The following PHACTR1 variants were observed in gnomAD, a reference collection of about 807,000 sequenced individuals.
PHACTR1 encodes phosphatase and actin regulator 1.
A neutral mutation model predicts 69.2 loss-of-function variants in PHACTR1; 16 were observed. That is an observed-to-expected ratio of 0.23 (90% CI 0.16 to 0.35). PHACTR1 has a LOEUF of 0.35. PHACTR1 is among the 10% of genes least tolerant of loss of function. The pLI is 1.00. For missense variants in PHACTR1, 510 were observed against 734.7 expected, an observed-to-expected ratio of 0.69 and a Z score of 3.54; for synonymous variants, 312 against 284.5, an observed-to-expected ratio of 1.10 and a Z score of -0.97.
At chr6:13,194,562 C>T (rs1227585495) in intron 7 of PHACTR1, among the ~76,000 whole-genome samples, 2 of 151,424 alleles carry the variant, frequency 1.3e-5, no homozygotes, top group Non-Finnish European at 2.9e-5. Flanking sequence ...GAGTGACTCT[C>T]CTCTCCAGTC....
intron 4 of PHACTR1, among the ~76,000 whole-genome samples, chr6:12,904,059 G>A (rs1225517409): frequency 5.3e-5 from 8 of 152,136 alleles, no homozygotes; most frequent in Admixed American, 3.9e-4. Context: ...TTAAGATTTA[G>A]GGGATTACTG....
intron 4 of PHACTR1, among the ~76,000 whole-genome samples, chr6:12,858,672 T>C (rs35621699): frequency 0.071 from 10,745 of 152,068 alleles, 423 homozygotes; most frequent in Middle Eastern, 0.11. Context: ...GGTGTGTGCC[T>C]ATAGTCCCAG....
chr6:13,123,101 A>C (rs922400292), intron 5 of PHACTR1, among the ~76,000 whole-genome samples: 9 of 152,134 alleles, frequency 5.9e-5, no homozygotes, highest in South Asian at 2.1e-4. Context: ...AGGGCCCCCC[A>C]AAAAAGAGTG....
intron 4 of PHACTR1, among the ~76,000 whole-genome samples, chr6:12,796,734 AC>A (rs1416093623): frequency 6.6e-6 from 1 of 152,088 alleles, no homozygotes; most frequent in East Asian, 1.9e-4. Flanking sequence ...ACAATGGAGA[AC>A]CCCAAAGCTA....
At chr6:13,031,460 G>A (rs1802442475) in intron 4 of PHACTR1, among the ~76,000 whole-genome samples, 1 of 152,202 alleles carries the variant, frequency 6.6e-6, no homozygotes, top group South Asian at 2.1e-4. Flanking sequence ...AGTGATGTAA[G>A]TCTACCACTA....
At chr6:13,044,271 C>T (rs1223188047) in intron 4 of PHACTR1, among the ~76,000 whole-genome samples, 1 of 152,156 alleles carries the variant, frequency 6.6e-6, no homozygotes, top group Non-Finnish European at 1.5e-5. Flanking sequence ...AGGATCGTTT[C>T]TTCTCAACGC....
rs573621759 is a variant in PHACTR1 at position 13,251,240 on chromosome 6, G to A, written c.1391+21047G>A. On this transcript the variant is annotated intron_variant, in intron 10 of 14. Coordinates refer to ENST00000332995, the MANE Select transcript of PHACTR1 (RefSeq NM_030948.6). ...ATCGGGTGGGATGCTGGCCATAGGC[G>A]GGCGCTCTCCTAGAAGGGGGAGATG... Among the ~76,000 whole-genome samples the A allele has an allele frequency of 6.8e-4, 104 of 152,306 alleles. 1 individual carries two copies. The highest frequency in any genetic ancestry group is 2.2e-3 in the African/African-American group (93 of 41,552).
At chr6:13,033,058 T>G (rs995880948) in intron 4 of PHACTR1, among the ~76,000 whole-genome samples, 2 of 152,220 alleles carry the variant, frequency 1.3e-5, no homozygotes, top group African/African-American at 4.8e-5. Flanking sequence ...CCCACTCTTA[T>G]GATTTCATTG....
At chr6:12,917,768 G>A (rs182764928) in intron 4 of PHACTR1, among the ~76,000 whole-genome samples, 1 of 152,004 alleles carries the variant, frequency 6.6e-6, no homozygotes, top group Non-Finnish European at 1.5e-5. Context: ...AAATAAAAAT[G>A]AACAAATGAA....
chr6:13,218,469 T>C (rs931991099), intron 8 of PHACTR1, among the ~76,000 whole-genome samples: 3 of 152,206 alleles, frequency 2.0e-5, no homozygotes, highest in Non-Finnish European at 2.9e-5. Context: ...CTTACCCTTA[T>C]CCAGTAATGA....
rs190457701 is a variant in PHACTR1 at position 13,194,366 on chromosome 6, G to A, written c.665-11449G>A. ...TGCAGTGAGCCAAGATCACACCACT[G>A]CACTCCAGCCTGGTGACAGAGCAAG... On this transcript the variant is annotated intron_variant, in intron 7 of 14. Coordinates refer to ENST00000332995, the MANE Select transcript of PHACTR1 (RefSeq NM_030948.6). 5.3e-3 allele frequency among the ~76,000 whole-genome samples: 759 copies of A among 142,516 alleles called. 9 individuals carry two copies. Among genetic ancestry groups the A allele is most frequent in the African/African-American group, 0.019 (734 of 38,006 alleles). 93.5% of individuals were successfully genotyped at this position (142,516 alleles called of 152,430 possible). A position where few individuals can be genotyped will look rare whatever the true frequency, so the allele number is the denominator to read the frequency against.
At chr6:12,730,272 A>G (rs115289947) in intron 3 of PHACTR1, among the ~76,000 whole-genome samples, 4,833 of 152,306 alleles carry the variant, frequency 0.032, 238 homozygotes, top group African/African-American at 0.11. Context: ...TTATAAAAAC[A>G]TATTTTCTAA....
chr6:12,966,564 TTTTTC>T (rs1793529209), intron 4 of PHACTR1, among the ~76,000 whole-genome samples: 1 of 152,182 alleles, frequency 6.6e-6, no homozygotes, highest in Non-Finnish European at 1.5e-5. Context: ...TTATTTTTAC[TTTTTC>T]CAACATTCTC....
chr6:13,083,754 A>T (rs1355282139), intron 5 of PHACTR1, among the ~76,000 whole-genome samples: 1 of 151,842 alleles, frequency 6.6e-6, no homozygotes, highest in Non-Finnish European at 1.5e-5. Flanking sequence ...TTTGTCTGTT[A>T]TTGGTGTATA....
intron 5 of PHACTR1, among the ~76,000 whole-genome samples, chr6:13,126,715 T>C (rs1014369960): frequency 6.6e-6 from 1 of 152,244 alleles, no homozygotes; most frequent in African/African-American, 2.4e-5. Flanking sequence ...TTTTCTGCTC[T>C]ACAAACAAGG....
chr6:13,170,893 T>A (rs952679697), intron 6 of PHACTR1, among the ~76,000 whole-genome samples: 2 of 152,208 alleles, frequency 1.3e-5, no homozygotes, highest in African/African-American at 4.8e-5. Context: ...GGCAGTCTGT[T>A]ACCAACCGGG....
chr6:13,051,609 C>T (rs952951688), intron 4 of PHACTR1, among the ~76,000 whole-genome samples: 7 of 152,172 alleles, frequency 4.6e-5, no homozygotes, highest in South Asian at 2.1e-4. Context: ...CCCAGGGATC[C>T]GCTTCTCCCT....
intron 4 of PHACTR1, among the ~76,000 whole-genome samples, chr6:12,892,359 C>G (rs1037560240): frequency 6.6e-6 from 1 of 152,214 alleles, no homozygotes; most frequent in Non-Finnish European, 1.5e-5. Flanking sequence ...TAATAAGCTA[C>G]ACATGCATAA....
At chr6:12,888,113 T>TG (rs1181527223) in intron 4 of PHACTR1, among the ~76,000 whole-genome samples, 1 of 150,376 alleles carries the variant, frequency 6.6e-6, no homozygotes, top group Non-Finnish European at 1.5e-5. Flanking sequence ...GTGAGGTCTT[T>TG]GGGGAAGTGA....
Sources: gnomAD v4.1 joint callset for allele counts (sites outside exome capture counted in the v4.1 genomes callset) on GRCh38, gnomAD v4.1.1 for gene constraint, MANE v1.5 for transcripts, NCBI Gene and HGNC (gene_info 2026-07-23, HGNC 2026-07-21) for gene names.